LRRC37A2: variants seen among roughly 807,000 people sequenced by gnomAD.
LRRC37A2 encodes leucine rich repeat containing 37 member A2, also known as leucine-rich repeat-containing protein 37A2.
Under a neutral mutation model 68.8 loss-of-function variants are expected in LRRC37A2, and 9 were observed. That is an observed-to-expected ratio of 0.13 (90% CI 0.08 to 0.23). LRRC37A2 has a LOEUF of 0.23. Among genes scored for constraint, LRRC37A2 ranks in the 10% least tolerant of loss-of-function variants. The probability of loss-of-function intolerance (pLI) is 1.00; values close to 1 mark genes in which losing one functional copy is unlikely to be tolerated. For synonymous variants in LRRC37A2, 63 were observed against 367.6 expected, an observed-to-expected ratio of 0.17 and a Z score of 9.48; for missense variants, 168 against 950.4, an observed-to-expected ratio of 0.18 and a Z score of 10.82.
At chr17:46,489,390 G>A in the LRRC37A2 span, among the ~76,000 whole-genome samples, 2 of 105,278 alleles carry the variant, frequency 1.9e-5, no homozygotes, top group African/African-American at 3.4e-5. Flanking sequence ...TGCCTGCCTC[G>A]GCTTTCCAAA....
At chr17:46,769,777 G>T in the LRRC37A2 span, 1 of 1,609,806 alleles carries the variant, frequency 6.2e-7, no homozygotes, top group South Asian at 1.1e-5. Context: ...GGGTAGCCGG[G>T]CTCACCGTGC....
At chr17:46,783,143 C>G in the LRRC37A2 span, among the ~76,000 whole-genome samples, 1 of 152,208 alleles carries the variant, frequency 6.6e-6, no homozygotes, top group Admixed American at 6.5e-5. Flanking sequence ...GCACCCTTGC[C>G]TATGTCTAGG....
chr17:46,768,856 A>C, the LRRC37A2 span: 1 of 1,587,652 alleles, frequency 6.3e-7, no homozygotes, highest in African/African-American at 1.3e-5. The surrounding 1 kb of genome is among the most constrained non-coding windows in gnomAD (Gnocchi z 5.0). Context: ...GGGCACATCC[A>C]GGCCTTCCCT....
the LRRC37A2 span, chr17:46,939,738 G>A: frequency 1.0e-6 from 1 of 987,278 alleles, no homozygotes; most frequent in Non-Finnish European, 1.2e-6. Context: ...TAGTGTGTAT[G>A]TCCTTGTAAC....
the LRRC37A2 span, among the ~76,000 whole-genome samples, chr17:46,493,822 C>T: frequency 6.6e-6 from 1 of 150,778 alleles, no homozygotes; most frequent in Non-Finnish European, 1.5e-5. Context: ...CAGGCGTGAG[C>T]CACCACACCA....
the LRRC37A2 span, among the ~76,000 whole-genome samples, chr17:46,881,965 A>G: frequency 6.6e-6 from 1 of 152,104 alleles, no homozygotes; most frequent in Non-Finnish European, 1.5e-5. Context: ...CCATATTCAG[A>G]CTTCCCCAAT....
At chr17:46,696,416 C>T in the LRRC37A2 span, among the ~76,000 whole-genome samples, 2 of 140,472 alleles carry the variant, frequency 1.4e-5, no homozygotes, top group African/African-American at 2.9e-5. Context: ...AGAGTGAACT[C>T]ATGTCAGATA....
chr17:46,969,989 G>A, the LRRC37A2 span, among the ~76,000 whole-genome samples: 1 of 152,126 alleles, frequency 6.6e-6, no homozygotes, highest in Admixed American at 6.5e-5. Flanking sequence ...CAGACACCGG[G>A]GGTCAAATCT....
the LRRC37A2 span, chr17:47,019,491 A>G: frequency 6.3e-7 from 1 of 1,575,216 alleles, no homozygotes; most frequent in South Asian, 1.1e-5. Context: ...TGGACATTCT[A>G]CAGCCCTGGA....
At chr17:46,922,322 G>A in the LRRC37A2 span, among the ~76,000 whole-genome samples, 7 of 152,120 alleles carry the variant, frequency 4.6e-5, no homozygotes, top group East Asian at 7.7e-4. Flanking sequence ...ATCACACTTC[G>A]GGGCCTGTTG....
the LRRC37A2 span, among the ~76,000 whole-genome samples, chr17:46,723,199 G>T: frequency 6.6e-6 from 1 of 152,176 alleles, no homozygotes; most frequent in Non-Finnish European, 1.5e-5. Flanking sequence ...GAAAAACATA[G>T]AACTACTGCA....
At chr17:47,027,778 A>G in the LRRC37A2 span, 5 of 534,646 alleles carry the variant, frequency 9.4e-6, no homozygotes, top group East Asian at 1.3e-4. Flanking sequence ...AGCAAGGATT[A>G]TTGTGAGAAT....
chr17:46,894,743 G>A, the LRRC37A2 span, among the ~76,000 whole-genome samples: 49 of 152,232 alleles, frequency 3.2e-4, no homozygotes, highest in East Asian at 8.7e-3. Context: ...AATCTTTAAT[G>A]CAGTCCCAGC....
the LRRC37A2 span, among the ~76,000 whole-genome samples, chr17:46,969,918 T>C: frequency 4.1e-4 from 63 of 152,172 alleles, no homozygotes; most frequent in African/African-American, 1.5e-3. Flanking sequence ...AACTCCCACC[T>C]CTGCCCCAGC....
the LRRC37A2 span, among the ~76,000 whole-genome samples, chr17:46,770,418 G>A: frequency 2.0e-5 from 3 of 152,188 alleles, no homozygotes; most frequent in South Asian, 2.1e-4. Context: ...CCTTCCCAAA[G>A]TCCAGAGACC....
At chr17:46,974,079 C>T in the LRRC37A2 span, among the ~76,000 whole-genome samples, 1 of 152,236 alleles carries the variant, frequency 6.6e-6, no homozygotes, top group African/African-American at 2.4e-5. Context: ...CTCCCTACTT[C>T]CCCCGTTCTA....
At chr17:46,950,219 TC>T in the LRRC37A2 span, among the ~76,000 whole-genome samples, 3 of 152,220 alleles carry the variant, frequency 2.0e-5, no homozygotes, top group African/African-American at 7.2e-5. Flanking sequence ...CACTTCTCGT[TC>T]CTATCCCTCA....
chr17:46,922,812 T>C, the LRRC37A2 span: 358 of 256,166 alleles, frequency 1.4e-3, 2 homozygotes, highest in Non-Finnish European at 5.2e-4. Flanking sequence ...AGCAAGAACC[T>C]CCAGTCCTCT....
At chr17:46,488,833 T>G in the LRRC37A2 span, among the ~76,000 whole-genome samples, 11 of 103,930 alleles carry the variant, frequency 1.1e-4, no homozygotes, top group Non-Finnish European at 1.9e-4. Flanking sequence ...ATATGATTTC[T>G]TGTAGCTAGA....
Sources: allele counts gnomAD v4.1 joint callset (sites outside exome capture counted in the v4.1 genomes callset), GRCh38; gene constraint gnomAD v4.1.1; non-coding constraint Gnocchi (gnomAD v3.1); transcripts MANE v1.5; gene names NCBI Gene and HGNC (gene_info 2026-07-23, HGNC 2026-07-21).